The following ADD2 variants were observed in gnomAD, a reference collection of about 807,000 sequenced individuals.
The protein encoded by ADD2 is adducin 2.
A neutral mutation model predicts 83.0 loss-of-function variants in ADD2; 23 were observed. That is an observed-to-expected ratio of 0.28 (90% CI 0.20 to 0.39). The LOEUF (loss-of-function observed/expected upper bound fraction) is 0.39, where lower values mean the gene tolerates loss of function less well. Among genes scored for constraint, ADD2 ranks in the 10% least tolerant of loss-of-function variants. The pLI is 1.00. For synonymous variants in ADD2, 375 were observed against 375.4 expected, an observed-to-expected ratio of 1.00 and a Z score of 0.01; for missense variants, 758 against 944.9, an observed-to-expected ratio of 0.80 and a Z score of 2.59.
At chr2:70,679,597 T>C (rs934188065) in intron 10 of ADD2, among the ~76,000 whole-genome samples, 12 of 152,204 alleles carry the variant, frequency 7.9e-5, no homozygotes, top group African/African-American at 2.7e-4. Flanking sequence ...GTTGGAGCAA[T>C]ATTCAGCTCT....
At chr2:70,665,241 TG>T (rs1488894373) in intron 15 of ADD2, among the ~76,000 whole-genome samples, 1 of 152,080 alleles carries the variant, frequency 6.6e-6, no homozygotes, top group Non-Finnish European at 1.5e-5. Context: ...GGGTAACTTG[TG>T]GACAGTTAAA....
intron 10 of ADD2, among the ~76,000 whole-genome samples, chr2:70,683,129 T>TGCCTCA (rs1574236657): frequency 6.6e-6 from 1 of 150,854 alleles, no homozygotes; most frequent in South Asian, 2.1e-4. Context: ...TCAATTCTCC[T>TGCCTCA]GCCTCAGCCT....
intron 8 of ADD2, among the ~76,000 whole-genome samples, chr2:70,689,095 C>CAA (rs533244103): frequency 6.6e-5 from 10 of 150,492 alleles, no homozygotes; most frequent in East Asian, 2.0e-4. Flanking sequence ...GACTCCGTCT[C>CAA]AAAAAAAAAC....
At chr2:70,716,687 T>A (rs1553376414) in intron 1 of ADD2, among the ~76,000 whole-genome samples, 1 of 152,146 alleles carries the variant, frequency 6.6e-6, no homozygotes, top group African/African-American at 2.4e-5. Context: ...AGCAGCCCTG[T>A]CCAGCCCTGA....
chr2:70,719,250 C>T (rs1224694022), intron 1 of ADD2, among the ~76,000 whole-genome samples: 1 of 152,210 alleles, frequency 6.6e-6, no homozygotes, highest in Non-Finnish European at 1.5e-5. Flanking sequence ...GGACTCAATA[C>T]AATCCTTCCA....
intron 2 of ADD2, among the ~76,000 whole-genome samples, chr2:70,709,654 A>G (rs1173718446): frequency 2.0e-5 from 3 of 152,212 alleles, no homozygotes; most frequent in Non-Finnish European, 2.9e-5. Context: ...TCTATGATTT[A>G]TCTGAGTTGG....
chr2:70,696,850 G>A (rs1490320306), intron 4 of ADD2, among the ~76,000 whole-genome samples: 2 of 152,168 alleles, frequency 1.3e-5, no homozygotes, highest in Non-Finnish European at 1.5e-5. Flanking sequence ...CTGTGATTTA[G>A]AAACAGGGAA....
intron 1 of ADD2, among the ~76,000 whole-genome samples, chr2:70,715,286 A>C (rs1446282935): frequency 2.6e-5 from 4 of 152,110 alleles, no homozygotes; most frequent in Admixed American, 2.6e-4. Flanking sequence ...GGGAGTTTAG[A>C]TAATCCTGGC....
chr2:70,694,491 G>C (rs1671207484), intron 6 of ADD2, among the ~76,000 whole-genome samples: 1 of 152,224 alleles, frequency 6.6e-6, no homozygotes, highest in East Asian at 1.9e-4. Context: ...ACCTGGACCC[G>C]ATCCCCTTCC....
At position 70,767,885 on chromosome 2, in the gene ADD2, C is replaced by T; in HGVS notation, c.-154+1G>A. 2 of 1,535,910 alleles carry T rather than the reference C, an allele frequency of 1.3e-6. No homozygotes were observed. The highest frequency in any genetic ancestry group is 1.7e-6 in the Non-Finnish European group (2 of 1,146,786). On this transcript the variant is annotated splice_donor_variant, in intron 1 of 15. Coordinates refer to ENST00000264436, the MANE Select transcript of ADD2 (RefSeq NM_001617.4). LOFTEE classifies it low-confidence loss of function (5UTR_SPLICE). ...ACCAGGCCCGCTCCCCAGACCCTTA[C>T]CTCCTGCGCGGCATCTTAGCTATCT...
At position 70,690,906 on chromosome 2, in the gene ADD2, G is replaced by C; in HGVS notation, c.729C>G (p.Leu243=). ...GCAGGGCATTGTGGGAGACAGGCAGGAGGCCCCACTTCATGGCCGACACCT... is the reference window on the plus strand; with the variant it reads ...GCAGGGCATTGTGGGAGACAGGCAGCAGGCCCCACTTCATGGCCGACACCT... ...TAAVSAMKWG[L]LPVSHNALLV... is the part of the protein sequence containing the mutation. Residue 243 remains leucine (L), a synonymous_variant, in exon 8 of 16, where the codon CTC becomes CTG. Coordinates refer to ENST00000264436, the MANE Select transcript of ADD2 (RefSeq NM_001617.4). 1 of 1,613,346 alleles carries C rather than the reference G, an allele frequency of 6.2e-7. No individual in the cohort carries two copies.
rs1250862987 is a variant in ADD2 at position 70,659,178 on chromosome 2, A to G, written c.*4247T>C. On this transcript the variant is annotated 3_prime_UTR_variant, in exon 16 of 16. Transcript: ENST00000264436. ...AAAAAAAAAAAAAAAAAAAAGAAAG[A>G]AAAAGAAAAAACATGTCATGCAGAC... 6.6e-6 allele frequency: 1 copy of G among 151,638 alleles called. No homozygotes were observed. The highest frequency in any genetic ancestry group is 1.5e-5 in the Non-Finnish European group (1 of 67,984). The allele number at this position is 151,638 out of a possible 1,614,324, so 9.4% of individuals were successfully genotyped here. A position where few individuals can be genotyped will look rare whatever the true frequency, so the allele number is the denominator to read the frequency against.
At chr2:70,664,848 G>T (rs1049063734) in intron 15 of ADD2, among the ~76,000 whole-genome samples, 2 of 132,114 alleles carry the variant, frequency 1.5e-5, no homozygotes, top group Non-Finnish European at 3.1e-5. Context: ...GAGTGTGTCT[G>T]TGTGTGTGGT....
At chr2:70,744,604 T>C (rs1224357136) in intron 1 of ADD2, among the ~76,000 whole-genome samples, 4 of 152,320 alleles carry the variant, frequency 2.6e-5, no homozygotes, top group African/African-American at 9.6e-5. Flanking sequence ...CCATTGTGGC[T>C]GAAGCTGAGT....
At chr2:70,685,046 T>G (rs1553370293) in intron 9 of ADD2, among the ~76,000 whole-genome samples, 1 of 152,190 alleles carries the variant, frequency 6.6e-6, no homozygotes, top group African/African-American at 2.4e-5. Context: ...AAAGAGACAA[T>G]GGCTTATGAA....
At chr2:70,737,504 T>G (rs1375087721) in intron 1 of ADD2, among the ~76,000 whole-genome samples, 2 of 141,878 alleles carry the variant, frequency 1.4e-5, no homozygotes, top group African/African-American at 5.3e-5. Flanking sequence ...ATGTTCTCAC[T>G]CATAGGTGGG....
chr2:70,726,949 C>T (rs1227838255), intron 1 of ADD2, among the ~76,000 whole-genome samples: 1 of 152,214 alleles, frequency 6.6e-6, no homozygotes, highest in Non-Finnish European at 1.5e-5. Context: ...CCCAACCCCA[C>T]AATGCACACA....
chr2:70,723,760 C>G (rs1414111962), intron 1 of ADD2, among the ~76,000 whole-genome samples: 2 of 152,140 alleles, frequency 1.3e-5, no homozygotes, highest in Admixed American at 6.5e-5. Flanking sequence ...CTGTGCCCAG[C>G]CGTCTCCTGA....
chr2:70,672,864 T>C lies in ADD2; in HGVS notation c.1870+14A>G. 6.2e-7 allele frequency: 1 copy of C among 1,603,570 alleles called. No individual in the cohort carries two copies. Among genetic ancestry groups the C allele is most frequent in the Non-Finnish European group, 8.5e-7 (1 of 1,176,496 alleles). On this transcript the variant is annotated intron_variant, in intron 15 of 15. Coordinates refer to ENST00000264436, the MANE Select transcript of ADD2 (RefSeq NM_001617.4). ...CCCCTCTCCCTCCCTCCCAGCCTAC[T>C]CAGCTGGACTCACCCTCTAAAGACT...
Sources: allele counts gnomAD v4.1 joint callset (sites outside exome capture counted in the v4.1 genomes callset), GRCh38; gene constraint gnomAD v4.1.1; transcripts MANE v1.5; gene names NCBI Gene and HGNC (gene_info 2026-07-23, HGNC 2026-07-21).